The following TF variants were observed in gnomAD, a reference collection of about 807,000 sequenced individuals.
The protein encoded by TF is transferrin.
A neutral mutation model predicts 82.4 loss-of-function variants in TF; 55 were observed. The observed-to-expected ratio is 0.67, with a 90% CI of 0.54 to 0.84. The LOEUF (loss-of-function observed/expected upper bound fraction) is 0.84, where lower values mean the gene tolerates loss of function less well. Among genes scored for constraint, TF ranks in the 40% least tolerant of loss-of-function variants. The pLI, the probability that TF is intolerant of heterozygous loss-of-function variation, is 0.00. For synonymous variants in TF, 332 were observed against 332.6 expected (o/e 1.00, Z 0.02); for missense variants, 737 against 868.4 (o/e 0.85, Z 1.90).
the TF span, among the ~76,000 whole-genome samples, chr3:133,685,869 C>G: frequency 6.6e-6 from 1 of 151,962 alleles, no homozygotes; most frequent in Non-Finnish European, 1.5e-5. Flanking sequence ...CATATGGAAC[C>G]AAAAAAGCCC....
At chr3:133,697,599 G>A in the TF span, among the ~76,000 whole-genome samples, 6 of 152,200 alleles carry the variant, frequency 3.9e-5, no homozygotes, top group Non-Finnish European at 7.3e-5. Flanking sequence ...AATGTCATGA[G>A]ACTATGACAA....
the TF span, among the ~76,000 whole-genome samples, chr3:133,734,171 CGT>C: frequency 1.3e-5 from 2 of 152,104 alleles, no homozygotes; most frequent in African/African-American, 4.8e-5. Flanking sequence ...CAGGTATAGA[CGT>C]GTGTGTGTTT....
At chr3:133,685,676 A>T in the TF span, among the ~76,000 whole-genome samples, 7 of 152,294 alleles carry the variant, frequency 4.6e-5, no homozygotes, top group African/African-American at 1.7e-4. Context: ...AGAACTACAA[A>T]CCACTACTCA....
chr3:133,735,292 A>G, the TF span, among the ~76,000 whole-genome samples: 105 of 151,490 alleles, frequency 6.9e-4, no homozygotes, highest in African/African-American at 2.5e-3. Flanking sequence ...GTGAGCCAAG[A>G]TCACACCACT....
chr3:133,740,304 AG>A, the TF span, among the ~76,000 whole-genome samples: 1 of 152,110 alleles, frequency 6.6e-6, no homozygotes, highest in African/African-American at 2.4e-5. Context: ...GGACACAGGG[AG>A]GGGAACATCA....
At chr3:133,703,178 CTGAGTA>C in the TF span, among the ~76,000 whole-genome samples, 9 of 152,106 alleles carry the variant, frequency 5.9e-5, no homozygotes, top group Non-Finnish European at 1.2e-4. Context: ...GCCTATATTT[CTGAGTA>C]TATCTTTAAT....
the TF span, among the ~76,000 whole-genome samples, chr3:133,712,182 A>G: frequency 6.6e-6 from 1 of 152,140 alleles, no homozygotes. Flanking sequence ...GCAAGTTTTC[A>G]AGAGGGCAGA....
chr3:133,662,255 C>G, the TF span: 2 of 152,246 alleles, frequency 1.3e-5, no homozygotes, highest in African/African-American at 4.8e-5. Flanking sequence ...TTATACCAGG[C>G]ATGCACGGGA....
intron 8 of TF, 49 bp from the exon 9 acceptor site, chr3:133,759,126 G>C: frequency 6.2e-7 from 1 of 1,612,862 alleles, no homozygotes; most frequent in Non-Finnish European, 8.5e-7. Context: ...ACAAACACCA[G>C]GCAACAGCTA....
the TF span, chr3:133,699,566 G>T: frequency 1.4e-6 from 1 of 695,792 alleles, no homozygotes; most frequent in South Asian, 1.3e-5. Flanking sequence ...ATACTGTCAT[G>T]GCCTGAAGTG....
the TF span, among the ~76,000 whole-genome samples, chr3:133,703,442 G>A: frequency 6.6e-6 from 1 of 152,198 alleles, no homozygotes; most frequent in Non-Finnish European, 1.5e-5. Context: ...AGCCGCTGTT[G>A]ATTGGACAAA....
At chr3:133,710,351 C>T in the TF span, among the ~76,000 whole-genome samples, 4,781 of 152,252 alleles carry the variant, frequency 0.031, 254 homozygotes, top group African/African-American at 0.11. Context: ...CGTCACAGCG[C>T]GGCAGAGCAG....
the TF span, chr3:133,691,624 A>T: frequency 6.5e-6 from 1 of 152,808 alleles, no homozygotes; most frequent in African/African-American, 2.4e-5. Context: ...GGCTTGAGTC[A>T]TGCAAGTGTC....
At chr3:133,701,341 A>C in the TF span, 2 of 152,236 alleles carry the variant, frequency 1.3e-5, no homozygotes, top group East Asian at 3.8e-4. Flanking sequence ...GAGTATAAAA[A>C]TAGTCCATCT....
At chr3:133,755,741 A>G in intron 5 of TF, 1 of 567,266 alleles carries the variant, frequency 1.8e-6, no homozygotes, top group South Asian at 2.0e-5. Context: ...AGAGCCCTCA[A>G]GCCTGGTCAG....
rs1376579254 is a variant in TF at position 133,781,533 on chromosome 3, T to G, written c.*2913T>G. ...CCACACTTATCAAAGTAAAAAATAA[T>G]GTAAAGAAGACATATTGCTTTGGAT... On this transcript the variant is annotated 3_prime_UTR_variant, in exon 17 of 17. Transcript: ENST00000402696. The G allele has an allele frequency of 2.6e-5, 4 of 152,054 alleles. No homozygotes were observed. The highest frequency in any genetic ancestry group is 3.8e-4 in the East Asian group (2 of 5,202). 9.4% of individuals were successfully genotyped at this position (152,054 alleles called of 1,614,324 possible).
At chr3:133,679,158 A>G in the TF span, among the ~76,000 whole-genome samples, 1 of 152,152 alleles carries the variant, frequency 6.6e-6, no homozygotes, top group African/African-American at 2.4e-5. Context: ...GACATGAGCC[A>G]CCACACCCGG....
chr3:133,671,466 C>A, the TF span, among the ~76,000 whole-genome samples: 1 of 151,738 alleles, frequency 6.6e-6, no homozygotes, highest in Non-Finnish European at 1.5e-5. Flanking sequence ...AAATCAGTGA[C>A]CTTAACTGCC....
At chr3:133,718,859 A>G in the TF span, among the ~76,000 whole-genome samples, 2 of 152,188 alleles carry the variant, frequency 1.3e-5, no homozygotes, top group Non-Finnish European at 2.9e-5. Flanking sequence ...CACATGTAAG[A>G]CAAGGGATCA....
Sources: gnomAD v4.1 joint callset for allele counts (sites outside exome capture counted in the v4.1 genomes callset) on GRCh38, gnomAD v4.1.1 for gene constraint, MANE v1.5 for transcripts, NCBI Gene and HGNC (gene_info 2026-07-23, HGNC 2026-07-21) for gene names.